The following KIF13A variants were observed in gnomAD, a reference collection of about 807,000 sequenced individuals.
The protein encoded by KIF13A is kinesin family member 13A, also known as kinesin-like protein KIF13A.
A neutral mutation model predicts 212.2 loss-of-function variants in KIF13A; 79 were observed. The ratio of observed to expected loss-of-function variants is 0.37; its 90% CI spans 0.31 to 0.45. The LOEUF is 0.45. KIF13A is among the 20% of genes least tolerant of loss of function. The pLI is 1.00. For missense variants in KIF13A, 1,901 were observed against 2,209.0 expected, an observed-to-expected ratio of 0.86 and a Z score of 2.79; for synonymous variants, 789 against 808.6, an observed-to-expected ratio of 0.98 and a Z score of 0.41.
At chr6:17,905,590 C>T (rs576927517) in intron 2 of KIF13A, among the ~76,000 whole-genome samples, 10 of 152,122 alleles carry the variant, frequency 6.6e-5, no homozygotes, top group Non-Finnish European at 1.2e-4. Context: ...ATATAAAGTG[C>T]ACAGCAGCTC....
At position 17,900,011 on chromosome 6, in the gene KIF13A, G is replaced by C. The variant is rs569525662; in HGVS notation, c.147-1831C>G. Among the ~76,000 whole-genome samples the C allele has an allele frequency of 6.6e-6, 1 of 152,148 alleles. No homozygotes were observed. The highest frequency in any genetic ancestry group is 1.9e-4 in the East Asian group (1 of 5,186). ...ATTTTTGACTAAACCTTCTCATTTT[G>C]CTTGCTTTATTCTTTAAAAGCCATG... On this transcript the variant is annotated intron_variant, in intron 2 of 38. Transcript: ENST00000259711. This position sits in a 1 kb window ranked among gnomAD's most constrained non-coding sequence, Gnocchi z 4.6.
At chr6:17,920,357 T>A (rs1774948534) in intron 2 of KIF13A, among the ~76,000 whole-genome samples, 1 of 152,222 alleles carries the variant, frequency 6.6e-6, no homozygotes, top group South Asian at 2.1e-4. Flanking sequence ...GAACACTTTT[T>A]TCTTTTACAA....
intron 3 of KIF13A, among the ~76,000 whole-genome samples, chr6:17,890,188 CAA>C (rs71002280): frequency 4.0e-5 from 5 of 123,478 alleles, no homozygotes; most frequent in Non-Finnish European, 3.3e-5. Context: ...AACTTCGTCT[CAA>C]AAAAAAAAAA....
chr6:17,912,664 C>T lies in KIF13A; in HGVS notation c.147-14484G>A, dbSNP rs1336158157. Reference sequence around the variant, plus strand: ...AGTCTCTTTTTTCCATCTCTGACTTCATGTTTGTTTTTAAAACTATCTTAC... The same window carrying T: ...AGTCTCTTTTTTCCATCTCTGACTTTATGTTTGTTTTTAAAACTATCTTAC... On this transcript the variant is annotated intron_variant, in intron 2 of 38. Transcript: ENST00000259711. This position sits in a 1 kb window ranked among gnomAD's most constrained non-coding sequence, Gnocchi z 4.2. Among the ~76,000 whole-genome samples the T allele has an allele frequency of 6.6e-6, 1 of 152,152 alleles. No homozygotes were observed. The highest frequency in any genetic ancestry group is 6.5e-5 in the Admixed American group (1 of 15,274).
At chr6:17,858,281 G>A (rs1380937639) in intron 4 of KIF13A, among the ~76,000 whole-genome samples, 1 of 152,120 alleles carries the variant, frequency 6.6e-6, no homozygotes, top group Non-Finnish European at 1.5e-5. Context: ...CAAGTTGGTG[G>A]AATATGTGGA....
intron 17 of KIF13A, among the ~76,000 whole-genome samples, chr6:17,814,249 C>CTTT (rs34056148): frequency 1.7e-4 from 15 of 89,560 alleles, no homozygotes; most frequent in Non-Finnish European, 2.2e-4. Flanking sequence ...CAGTGCCCGG[C>CTTT]TTTTTTTTTT....
rs1243016497 is a variant in KIF13A at position 17,799,059 on chromosome 6, G to GAA, written c.2790+206_2790+207insTT. ...CCTGTCACTGGTGGTTTATATCTTT[G>GAA]GGGAACAAGACTGTTGGTAGAGATC... On this transcript the variant is annotated intron_variant, in intron 22 of 38. Transcript: ENST00000259711. This position sits in a 1 kb window ranked among gnomAD's most constrained non-coding sequence, Gnocchi z 4.4. 1.3e-5 allele frequency among the ~76,000 whole-genome samples: 2 copies of GAA among 152,136 alleles called. No homozygotes were observed. The highest frequency in any genetic ancestry group is 1.3e-4 in the Admixed American group (2 of 15,274).
rs1185880218 is a variant in KIF13A, at chr6:17,826,859, A to C, written c.1533-735T>G. Among the ~76,000 whole-genome samples the C allele has an allele frequency of 6.6e-6, 1 of 152,138 alleles. No homozygotes were observed. Among genetic ancestry groups the C allele is most frequent in the East Asian group, 1.9e-4 (1 of 5,192 alleles). ...CTTCATCTTTTAGAGAGACATAGTG[A>C]GATATTTATAGATACAATGTTATAA... On this transcript the variant is annotated intron_variant, in intron 14 of 38. Coordinates refer to ENST00000259711, the MANE Select transcript of KIF13A (RefSeq NM_022113.6). The surrounding 1 kb of genome is among the most constrained non-coding windows in gnomAD (Gnocchi z 4.7).
In KIF13A at chr6:17,825,042, G is replaced by C. The variant is rs2150364646; in HGVS notation, c.1786+726C>G. On this transcript the variant is annotated intron_variant, in intron 16 of 38. Coordinates refer to ENST00000259711, the MANE Select transcript of KIF13A (RefSeq NM_022113.6). The surrounding 1 kb of genome is among the most constrained non-coding windows in gnomAD (Gnocchi z 4.5). ...TTGGTAACAGGTGAACATTGCTTCT[G>C]GCTTCTAAGTCCCAGTCATCAAATC... 6.6e-6 allele frequency among the ~76,000 whole-genome samples: 1 copy of C among 152,266 alleles called. No individual in the cohort carries two copies. The highest frequency in any genetic ancestry group is 2.1e-4 in the South Asian group (1 of 4,824).
intron 12 of KIF13A, 28 bp downstream of exon 12, chr6:17,833,933 A>C: frequency 8.1e-7 from 1 of 1,234,076 alleles, no homozygotes; most frequent in South Asian, 1.4e-5. Context: ...AAGAATCCCA[A>C]TATTTTAGGG....
intron 22 of KIF13A, among the ~76,000 whole-genome samples, chr6:17,797,882 A>T (rs1326956719): frequency 1.3e-5 from 2 of 152,174 alleles, no homozygotes; most frequent in African/African-American, 4.8e-5. Context: ...TGGGCAACAG[A>T]GTGAGACATC....
intron 9 of KIF13A, among the ~76,000 whole-genome samples, chr6:17,847,614 C>T (rs547760047): frequency 2.2e-4 from 33 of 152,280 alleles, no homozygotes; most frequent in African/African-American, 7.5e-4. Flanking sequence ...TAAGTTATTA[C>T]AGCTCAACAG....
At chr6:17,972,283 C>T (rs1779870303) in intron 2 of KIF13A, among the ~76,000 whole-genome samples, 1 of 152,136 alleles carries the variant, frequency 6.6e-6, no homozygotes, top group Admixed American at 6.5e-5. Flanking sequence ...ATAATGTAAC[C>T]ATTCCCTGTT....
intron 3 of KIF13A, among the ~76,000 whole-genome samples, chr6:17,877,069 A>G (rs575828970): frequency 6.9e-6 from 1 of 144,744 alleles, no homozygotes; most frequent in South Asian, 2.2e-4. Flanking sequence ...TGGCATTAAG[A>G]TCTCGCAGGG....
intron 16 of KIF13A, among the ~76,000 whole-genome samples, chr6:17,823,461 CTTCCTTTCT>C (rs1229147296): frequency 2.1e-5 from 3 of 143,896 alleles, no homozygotes; most frequent in Non-Finnish European, 3.1e-5. Context: ...TTTTTCCTTC[CTTCCTTTCT>C]TTCCTTTCTT....
chr6:17,912,012 T>C lies in KIF13A; in HGVS notation c.147-13832A>G, dbSNP rs758518050. On this transcript the variant is annotated intron_variant, in intron 2 of 38. Transcript: ENST00000259711. This position sits in a 1 kb window ranked among gnomAD's most constrained non-coding sequence, Gnocchi z 4.2. ...CTCCTGAGCTCAGGCGATTACCCCG[T>C]CTTGGGCTCCCAAAGTGCTGGGATT... is the stretch of plus-strand genomic sequence containing the variant. 3.9e-5 allele frequency among the ~76,000 whole-genome samples: 6 copies of C among 152,002 alleles called. No individual in the cohort carries two copies. The highest frequency in any genetic ancestry group is 6.6e-5 in the Admixed American group (1 of 15,252).
In KIF13A at chr6:17,781,223, C is replaced by A. The variant is rs956157720; in HGVS notation, c.3623G>T (p.Gly1208Val). 1 of 1,613,870 alleles carries A rather than the reference C, an allele frequency of 6.2e-7. No homozygotes were observed. The change falls in exon 30 of 39, where the codon GGC (glycine) becomes GTC (valine). Residue 1208 changes from glycine to valine, a missense_variant. By Grantham distance (109) the Gly-to-Val change is moderately radical (BLOSUM62 -3). Around this residue, in one of 5 missense-constraint regions of KIF13A, gnomAD observed 687 missense variants for 759.1 expected, o/e 0.90. Coordinates refer to ENST00000259711, the MANE Select transcript of KIF13A (RefSeq NM_022113.6). ...GATGGGCAGGTAGAAAAACTGGCTG[C>A]CATGCTCCTTGGGCAGGATGGAGTT... ...GVNSILPKEH[G>V]SQFFYLPIIK...
chr6:17,947,582 A>G lies in KIF13A; in HGVS notation c.146+39472T>C, dbSNP rs1393928533. Among the ~76,000 whole-genome samples the G allele has an allele frequency of 6.6e-6, 1 of 152,176 alleles. No individual in the cohort carries two copies. The highest frequency in any genetic ancestry group is 2.4e-5 in the African/African-American group (1 of 41,446). ...GGTAGCTCACGCCTGTAATCCCAGCACTTTGGGAGGCCGAGGTGGGTGGAT... is the reference window on the plus strand; with the variant it reads ...GGTAGCTCACGCCTGTAATCCCAGCGCTTTGGGAGGCCGAGGTGGGTGGAT... On this transcript the variant is annotated intron_variant, in intron 2 of 38. Transcript: ENST00000259711. The surrounding 1 kb of genome is among the most constrained non-coding windows in gnomAD (Gnocchi z 4.6).
rs1479049721 is a variant in KIF13A, at chr6:17,912,450, ACAC to A, written c.147-14273_147-14271del. On this transcript the variant is annotated intron_variant, in intron 2 of 38. Transcript: ENST00000259711. The surrounding 1 kb of genome is among the most constrained non-coding windows in gnomAD (Gnocchi z 4.2). ...TCCGTAGGACGCAGGTTTGAATCAG[ACAC>A]CTATACTTCAAGCTCCCTGCACTTG... 6.6e-6 allele frequency among the ~76,000 whole-genome samples: 1 copy of A among 152,196 alleles called. No individual in the cohort carries two copies.
Sources: allele counts gnomAD v4.1 joint callset (sites outside exome capture counted in the v4.1 genomes callset), GRCh38; gene constraint gnomAD v4.1.1; regional missense constraint gnomAD v4.1.1; non-coding constraint Gnocchi (gnomAD v3.1); transcripts MANE v1.5; gene names NCBI Gene and HGNC (gene_info 2026-07-23, HGNC 2026-07-21).